GRID1: variants seen among roughly 807,000 people sequenced by gnomAD.
GRID1 encodes glutamate ionotropic receptor delta type subunit 1, also known as glutamate receptor ionotropic, delta-1.
A neutral mutation model predicts 98.0 loss-of-function variants in GRID1; 28 were observed. The observed-to-expected ratio is 0.29, with a 90% CI of 0.21 to 0.39. The LOEUF (loss-of-function observed/expected upper bound fraction) is 0.39, where lower values mean the gene tolerates loss of function less well. GRID1 is among the 10% of genes least tolerant of loss of function. GRID1 has a pLI of 1.00. For synonymous variants in GRID1, 553 were observed against 538.5 expected (o/e 1.03, Z -0.37); for missense variants, 1,111 against 1,340.5 (o/e 0.83, Z 2.67).
At chr10:86,346,050 C>T (rs371874311) in intron 2 of GRID1, among the ~76,000 whole-genome samples, 1 of 152,210 alleles carries the variant, frequency 6.6e-6, no homozygotes, top group African/African-American at 2.4e-5. Context: ...CCCTGTGCTC[C>T]CACACCCCTG....
rs766968001 is a variant in GRID1 at position 85,620,050 on chromosome 10, A to G, written c.2194-17T>C. ...CTTCTTTGCCTGAAAGATCAAAATT[A>G]CCATGAAGTCAGGCAGTCCTGGCCA... On this transcript the variant is annotated splice_polypyrimidine_tract_variant and intron_variant, in intron 13 of 15. Transcript: ENST00000327946. 7 of 1,610,770 alleles carry G rather than the reference A, an allele frequency of 4.3e-6. No individual in the cohort carries two copies. The East Asian group carries it at 1.1e-4, about 26-fold the overall frequency.
chr10:85,665,149 A>G (rs1364656257), intron 12 of GRID1, among the ~76,000 whole-genome samples: 4 of 152,174 alleles, frequency 2.6e-5, no homozygotes, highest in Non-Finnish European at 4.4e-5. Context: ...CTGATATTTA[A>G]GTAGACTCCT....
At chr10:86,051,688 G>A (rs185706434) in intron 4 of GRID1, among the ~76,000 whole-genome samples, 8 of 152,318 alleles carry the variant, frequency 5.3e-5, no homozygotes, top group African/African-American at 1.7e-4. Context: ...CATGTGATAA[G>A]ATGCTTAATC....
chr10:86,025,383 T>C (rs1843103240), intron 4 of GRID1, among the ~76,000 whole-genome samples: 2 of 152,204 alleles, frequency 1.3e-5, no homozygotes, highest in African/African-American at 4.8e-5. Flanking sequence ...ATACGAGTGA[T>C]TCCAACAAGA....
intron 4 of GRID1, among the ~76,000 whole-genome samples, chr10:86,012,799 G>A (rs1358701324): frequency 1.3e-5 from 2 of 152,176 alleles, no homozygotes; most frequent in Admixed American, 1.3e-4. Context: ...CTCAGCAGAC[G>A]CTGAATCTGC....
At chr10:86,054,033 C>G (rs1017683480) in intron 4 of GRID1, among the ~76,000 whole-genome samples, 2 of 152,160 alleles carry the variant, frequency 1.3e-5, no homozygotes, top group Non-Finnish European at 2.9e-5. Flanking sequence ...AAAAAAAACA[C>G]AAATACTATG....
At chr10:85,918,517 C>A (rs1388657012) in intron 4 of GRID1, among the ~76,000 whole-genome samples, 1 of 152,146 alleles carries the variant, frequency 6.6e-6, no homozygotes, top group African/African-American at 2.4e-5. Context: ...ACCAGGTCAC[C>A]CCACTTGATG....
chr10:86,131,419 A>G (rs1375766962), intron 4 of GRID1, among the ~76,000 whole-genome samples: 3 of 152,198 alleles, frequency 2.0e-5, no homozygotes, highest in Non-Finnish European at 2.9e-5. Context: ...GCTACCTGCT[A>G]ATAAGCCATA....
At chr10:86,021,323 T>C (rs1843046012) in intron 4 of GRID1, among the ~76,000 whole-genome samples, 1 of 152,172 alleles carries the variant, frequency 6.6e-6, no homozygotes, top group Admixed American at 6.5e-5. Context: ...TATAATACTA[T>C]AATGTGCTCA....
chr10:85,775,177 G>T (rs1842317229), intron 8 of GRID1, among the ~76,000 whole-genome samples: 1 of 152,108 alleles, frequency 6.6e-6, no homozygotes, highest in African/African-American at 2.4e-5. Flanking sequence ...TCCTTTGTAG[G>T]GATATGGATG....
chr10:85,759,971 G>A (rs1842132102), intron 8 of GRID1, among the ~76,000 whole-genome samples: 1 of 152,118 alleles, frequency 6.6e-6, no homozygotes, highest in African/African-American at 2.4e-5. Context: ...GTGGTGCCTG[G>A]GGACTTGCTC....
intron 2 of GRID1, among the ~76,000 whole-genome samples, chr10:86,346,112 G>A (rs1848377555): frequency 6.6e-6 from 1 of 152,170 alleles, no homozygotes; most frequent in South Asian, 2.1e-4. Flanking sequence ...CCACTCGTCT[G>A]TCCCTGCCAC....
intron 2 of GRID1, among the ~76,000 whole-genome samples, chr10:86,325,192 C>T (rs773427189): frequency 2.0e-5 from 3 of 152,176 alleles, no homozygotes; most frequent in African/African-American, 4.8e-5. Flanking sequence ...CACTTGTATA[C>T]GTTTACCTAA....
intron 4 of GRID1, among the ~76,000 whole-genome samples, chr10:86,006,622 A>T (rs1284090758): frequency 6.6e-6 from 1 of 152,204 alleles, no homozygotes; most frequent in Non-Finnish European, 1.5e-5. Flanking sequence ...GTCTAAAAAA[A>T]AAAAAGCACT....
intron 2 of GRID1, among the ~76,000 whole-genome samples, chr10:86,258,206 A>C (rs188646679): frequency 1.2e-3 from 186 of 152,362 alleles, no homozygotes; most frequent in Middle Eastern, 0.01. Flanking sequence ...CATATAGAGC[A>C]TAAGATTTTA....
intron 5 of GRID1, among the ~76,000 whole-genome samples, chr10:85,914,569 G>A (rs746579689): frequency 2.0e-5 from 3 of 152,124 alleles, no homozygotes; most frequent in African/African-American, 4.8e-5. Context: ...GTTACTGCAC[G>A]TCCCCAGCTG....
intron 4 of GRID1, among the ~76,000 whole-genome samples, chr10:85,939,289 T>C (rs572108623): frequency 6.6e-6 from 1 of 152,374 alleles, no homozygotes; most frequent in Non-Finnish European, 1.5e-5. Flanking sequence ...TATTAGCTTA[T>C]AGACAGGATA....
intron 12 of GRID1, among the ~76,000 whole-genome samples, chr10:85,666,386 G>A (rs531593428): frequency 6.6e-6 from 1 of 152,286 alleles, no homozygotes; most frequent in South Asian, 2.1e-4. Context: ...GGTGTGGATA[G>A]GGACCTCCCT....
At chr10:86,191,182 AGTCAGTAATTAT>A (rs1466714297) in intron 3 of GRID1, among the ~76,000 whole-genome samples, 1 of 152,138 alleles carries the variant, frequency 6.6e-6, no homozygotes, top group Non-Finnish European at 1.5e-5. Context: ...GAGAAAAGGA[AGTCAGTAATTAT>A]GGCCCAGTAA....
Sources: allele counts gnomAD v4.1 joint callset (sites outside exome capture counted in the v4.1 genomes callset), GRCh38; gene constraint gnomAD v4.1.1; transcripts MANE v1.5; gene names NCBI Gene and HGNC (gene_info 2026-07-23, HGNC 2026-07-21).